The following GALNT6 variants were observed in gnomAD, a reference collection of about 807,000 sequenced individuals.
GALNT6 encodes the protein GalNAc transferase 6.
GALNT6 carries 51 observed loss-of-function variants against 65.9 expected under a neutral mutation model. The observed-to-expected ratio is 0.77, with a 90% CI of 0.62 to 0.98. The LOEUF (loss-of-function observed/expected upper bound fraction) is 0.98, where lower values mean the gene tolerates loss of function less well. Among genes scored for constraint, GALNT6 ranks in the 50% least tolerant of loss-of-function variants. The pLI is 0.00. For missense variants in GALNT6, 708 were observed against 803.3 expected (o/e 0.88, Z 1.43); for synonymous variants, 323 against 315.1 (o/e 1.02, Z -0.26).
intron 4 of GALNT6, among the ~76,000 whole-genome samples, chr12:51,370,519 T>C (rs1947261482): frequency 6.6e-6 from 1 of 151,992 alleles, no homozygotes; most frequent in South Asian, 2.1e-4. Flanking sequence ...ACGAACTCCA[T>C]CTCAAAAAAA....
At chr12:51,356,150 A>G (rs1270928604) in intron 10 of GALNT6, among the ~76,000 whole-genome samples, 192 bp from the exon 11 acceptor site, 2 of 150,254 alleles carry the variant, frequency 1.3e-5, no homozygotes, top group Non-Finnish European at 3.0e-5. Context: ...TTTTATATAC[A>G]TATATATATA....
Position 51,352,401 on chromosome 12 carries a change from G to A in GALNT6, c.*1978C>T, listed in dbSNP as rs1946635988. 1 of 151,296 alleles carries A rather than the reference G, an allele frequency of 6.6e-6. No homozygotes were observed. The highest frequency in any genetic ancestry group is 1.5e-5 in the Non-Finnish European group (1 of 68,030). 9.4% of individuals were successfully genotyped at this position (151,296 alleles called of 1,614,324 possible). A position where few individuals can be genotyped will look rare whatever the true frequency, so the allele number is the denominator to read the frequency against. On this transcript the variant is annotated 3_prime_UTR_variant, in exon 12 of 12. Transcript: ENST00000356317. ...GGACAGATTCACTTACCTGGACTCA[G>A]TTTCATAATATGAAAATGATAGGGT...
chr12:51,378,097 C>T (rs1030905001), intron 3 of GALNT6, among the ~76,000 whole-genome samples: 10 of 152,196 alleles, frequency 6.6e-5, no homozygotes, highest in Admixed American at 1.3e-4. Flanking sequence ...TTCTTGGGGA[C>T]CCTCCAGAGA....
chr12:51,366,524 T>C (rs1947113193), intron 4 of GALNT6, among the ~76,000 whole-genome samples: 1 of 152,192 alleles, frequency 6.6e-6, no homozygotes, highest in South Asian at 2.1e-4. Flanking sequence ...AAGAAAATAC[T>C]TGCACCAAGC....
intron 4 of GALNT6, among the ~76,000 whole-genome samples, chr12:51,372,215 T>C (rs1443691340): frequency 6.6e-6 from 1 of 152,142 alleles, no homozygotes; most frequent in African/African-American, 2.4e-5. Context: ...GTGATTGTTT[T>C]GTTTTTGTTT....
intron 2 of GALNT6, chr12:51,382,206 G>A (rs190851786): frequency 1.3e-5 from 2 of 152,320 alleles, no homozygotes; most frequent in Non-Finnish European, 2.9e-5. Context: ...CTGAATAACT[G>A]CCTCTACCAG....
At position 51,379,825 on chromosome 12, in the gene GALNT6, C is replaced by T; in HGVS notation, c.-44G>A. On this transcript the variant is annotated 5_prime_UTR_variant, in exon 3 of 12. Coordinates refer to ENST00000356317, the MANE Select transcript of GALNT6 (RefSeq NM_007210.4). ...ACCCCAGCTGCGTCAGCTCTGAGTC[C>T]TGAGCCCAACCCTGGAGATAGCTTG... 1 of 1,552,226 alleles carries T rather than the reference C, an allele frequency of 6.4e-7. No individual in the cohort carries two copies. Among genetic ancestry groups the T allele is most frequent in the Admixed American group, 1.9e-5 (1 of 53,526 alleles).
intron 3 of GALNT6, among the ~76,000 whole-genome samples, chr12:51,378,881 C>T (rs1947551473): frequency 8.1e-6 from 1 of 122,978 alleles, no homozygotes; most frequent in East Asian, 4.1e-4. Flanking sequence ...AAGAAATGCC[C>T]ACCCCCCCCC....
intron 4 of GALNT6, among the ~76,000 whole-genome samples, chr12:51,367,090 C>T (rs993586273): frequency 6.6e-6 from 1 of 152,110 alleles, no homozygotes; most frequent in Non-Finnish European, 1.5e-5. Context: ...ATGGAGAAAC[C>T]CTGTCTCTAC....
rs778401461 is a variant in GALNT6, at chr12:51,360,710, T to G, written c.1167+11A>C. On this transcript the variant is annotated intron_variant, in intron 7 of 11. Transcript: ENST00000356317. ...TGTTGTGGTTCCCCCCAAAGCCCTC[T>G]TCACTCTCACCCGGAAGGACATTTC... 1.3e-6 allele frequency: 2 copies of G among 1,513,454 alleles called. No homozygotes were observed. Among genetic ancestry groups the G allele is most frequent in the Non-Finnish European group, 9.2e-7 (1 of 1,088,456 alleles). 93.8% of individuals were successfully genotyped at this position (1,513,454 alleles called of 1,614,324 possible).
rs1175892231 is a variant in GALNT6, at chr12:51,354,409, A to G, written c.1839T>C (p.Ser613=). ...KKPAMAPCNP[S]DPHQLWLFV ...CAAAGAGCCACAACTGATGGGGGTC[A>G]CTGGGATTGCAGGGGGCCATGGCTG... is the stretch of plus-strand genomic sequence containing the variant. Residue 613 remains serine, a synonymous_variant, in exon 12 of 12, where the codon AGT becomes AGC. Coordinates refer to ENST00000356317, the MANE Select transcript of GALNT6 (RefSeq NM_007210.4). The G allele has an allele frequency of 2.5e-6, 4 of 1,583,398 alleles. No individual in the cohort carries two copies. The African/African-American group carries it at 5.5e-5, about 22-fold the overall frequency.
chr12:51,354,561 C>A (rs1051311365), intron 11 of GALNT6, 69 bp from the exon 12 acceptor site: 2 of 911,192 alleles, frequency 2.2e-6, no homozygotes, highest in Non-Finnish European at 3.4e-6. Flanking sequence ...AGGGACAATG[C>A]GATGGGGTGC....
chr12:51,379,242 C>G lies in GALNT6; in HGVS notation c.491+49G>C, dbSNP rs747326002. ...TATGGCCCTGGCCATACTAGCCATGCCTTTAGCAAAGCCCTGGTCTCCCCA... is the reference window on the plus strand; with the variant it reads ...TATGGCCCTGGCCATACTAGCCATGGCTTTAGCAAAGCCCTGGTCTCCCCA... On this transcript the variant is annotated intron_variant, in intron 3 of 11. Coordinates refer to ENST00000356317, the MANE Select transcript of GALNT6 (RefSeq NM_007210.4). The G allele has an allele frequency of 7.2e-5, 109 of 1,508,228 alleles. No homozygotes were observed. The Middle Eastern group carries it at 9.2e-4, about 13-fold the overall frequency. 93.4% of individuals were successfully genotyped at this position (1,508,228 alleles called of 1,614,324 possible).
At position 51,357,267 on chromosome 12, in the gene GALNT6, G is replaced by A. The variant is rs1240189679; in HGVS notation, c.1602+82C>T. On this transcript the variant is annotated intron_variant, in intron 10 of 11. Coordinates refer to ENST00000356317, the MANE Select transcript of GALNT6 (RefSeq NM_007210.4). ...CAGGGATGGTATCTCCTCCCTCCCA[G>A]TCCTCAGGAAAGGACTCTTTAGGGT... 3 of 886,090 alleles carry A rather than the reference G, an allele frequency of 3.4e-6. No individual in the cohort carries two copies. The African/African-American group carries it at 4.9e-5, about 15-fold the overall frequency. The allele number at this position is 886,090 out of a possible 1,614,324, so 54.9% of individuals were successfully genotyped here. A position where few individuals can be genotyped will look rare whatever the true frequency, so the allele number is the denominator to read the frequency against.
Position 51,359,302 on chromosome 12 carries a change from TG to T in GALNT6, c.1197del (p.Ile400SerfsTer6). On this transcript the variant is annotated frameshift_variant, in exon 8 of 12. Transcript: ENST00000356317. LOFTEE classifies it high-confidence loss of function. ...ACATGGCCTACGACAGAGCAGGGGA[TG>T]ATCTCCAGCTGGCCCCCACACTGCC... ...RVWQCGGQLEIIPCSVVGHVF... is the reference protein window; with the variant it reads ...RVWQCGGQLEXIPCSVVGHVF... 6.2e-7 allele frequency: 1 copy of T among 1,612,976 alleles called. No individual in the cohort carries two copies. Among genetic ancestry groups the T allele is most frequent in the Non-Finnish European group, 8.5e-7 (1 of 1,179,464 alleles).
rs531043941 is a variant in GALNT6 at position 51,379,603 on chromosome 12, G to A, written c.179C>T (p.Ala60Val). ...KDHVLDLMLE[A>V]MNNLRDSMPK... ...CATTGAATCTCTAAGGTTGTTCATG[G>A]CCTCCAGCATGAGGTCCAGGACGTG... Residue 60 changes from alanine (A) to valine (V), a missense_variant, in exon 3 of 12, where the codon GCC becomes GTC. Coordinates refer to ENST00000356317, the MANE Select transcript of GALNT6 (RefSeq NM_007210.4). 1 of 1,613,974 alleles carries A rather than the reference G, an allele frequency of 6.2e-7. No homozygotes were observed. The highest frequency in any genetic ancestry group is 2.2e-5 in the East Asian group (1 of 44,882).
At chr12:51,388,285 CG>C (rs982206321) in intron 2 of GALNT6, among the ~76,000 whole-genome samples, 41 of 152,304 alleles carry the variant, frequency 2.7e-4, no homozygotes, top group African/African-American at 8.9e-4. Flanking sequence ...TCCTTTGCCT[CG>C]GGCCCCTCTC....
rs79449867 is a variant in GALNT6 at position 51,380,387 on chromosome 12, C to T, written c.-103-503G>A. ...TAAATAAAGTGCAAAATACCCATAC[C>T]GTGCAGTGCTCTACAGTGATGACCA... On this transcript the variant is annotated intron_variant, in intron 2 of 11. Coordinates refer to ENST00000356317, the MANE Select transcript of GALNT6 (RefSeq NM_007210.4). Among the ~76,000 whole-genome samples, 1,280 of 152,238 alleles carry T rather than the reference C, an allele frequency of 8.4e-3. 54 individuals are homozygous for T. In the East Asian group the frequency reaches 0.13, roughly 15 times the overall value.
intron 4 of GALNT6, among the ~76,000 whole-genome samples, chr12:51,368,005 T>C (rs1457999290): frequency 2.0e-5 from 3 of 151,482 alleles, no homozygotes; most frequent in African/African-American, 4.9e-5. Flanking sequence ...CCAGGGGAAG[T>C]GAGGCCATGG....
Sources: allele counts gnomAD v4.1 joint callset (sites outside exome capture counted in the v4.1 genomes callset), GRCh38; gene constraint gnomAD v4.1.1; transcripts MANE v1.5; gene names NCBI Gene and HGNC (gene_info 2026-07-23, HGNC 2026-07-21).